Variants in ARHGAP44 observed in about 807,000 individuals in gnomAD.
ARHGAP44 encodes rho GTPase-activating protein 44.
In ARHGAP44, 43 loss-of-function variants were observed where a neutral mutation model predicts 106.8. The observed-to-expected ratio is 0.40, with a 90% confidence interval of 0.32 to 0.52. ARHGAP44 has a LOEUF of 0.52. Ranked by LOEUF, ARHGAP44 falls within the 20% of genes least tolerant of loss-of-function variation. The pLI is 0.48. For missense variants in ARHGAP44, 866 were observed against 1,050.5 expected, an observed-to-expected ratio of 0.82 and a Z score of 2.43; for synonymous variants, 439 against 410.3, an observed-to-expected ratio of 1.07 and a Z score of -0.85.
chr17:12,847,560 C>G (rs866557989), intron 1 of ARHGAP44, among the ~76,000 whole-genome samples: 3 of 143,970 alleles, frequency 2.1e-5, no homozygotes, highest in South Asian at 2.2e-4. Context: ...GTCGCCCAGG[C>G]TGGAGTGCAG....
At chr17:12,904,228 TC>T (rs2037478965) in intron 3 of ARHGAP44, among the ~76,000 whole-genome samples, 1 of 152,168 alleles carries the variant, frequency 6.6e-6, no homozygotes, top group Non-Finnish European at 1.5e-5. Context: ...TGCCTCAGCC[TC>T]CCGAGTAGCT....
chr17:12,968,349 G>T (rs1240594477), intron 16 of ARHGAP44, among the ~76,000 whole-genome samples: 1 of 152,188 alleles, frequency 6.6e-6, no homozygotes, highest in African/African-American at 2.4e-5. Context: ...GACAGCTGAC[G>T]GTTGCAGGAG....
chr17:12,906,951 C>CAAAAT (rs1369354981), intron 3 of ARHGAP44, among the ~76,000 whole-genome samples: 2 of 149,462 alleles, frequency 1.3e-5, no homozygotes, highest in Non-Finnish European at 3.0e-5. Context: ...AAAAACAAAA[C>CAAAAT]AAAACAAACA....
At chr17:12,798,917 T>G (rs1319927967) in intron 1 of ARHGAP44, among the ~76,000 whole-genome samples, 2 of 152,206 alleles carry the variant, frequency 1.3e-5, no homozygotes, top group Non-Finnish European at 2.9e-5. Flanking sequence ...TTTTCTTGAG[T>G]CAGTTTGAAT....
chr17:12,908,305 T>G lies in ARHGAP44; in HGVS notation c.199-592T>G, dbSNP rs145337257. 8.3e-3 allele frequency among the ~76,000 whole-genome samples: 1,255 copies of G among 151,562 alleles called. 19 individuals carry two copies. Among genetic ancestry groups the G allele is most frequent in the East Asian group, 0.045 (229 of 5,102 alleles). ...TCTGCCTCCCGGGTTCAAGCCATTC[T>G]GCTGCCTCAGCCTCCCAAGTAGCTG... On this transcript the variant is annotated intron_variant, in intron 3 of 20. Coordinates refer to ENST00000379672, the MANE Select transcript of ARHGAP44 (RefSeq NM_014859.6).
rs909574686 is a variant in ARHGAP44 at position 12,990,316 on chromosome 17, T to C, written c.*145T>C. 2 of 1,109,380 alleles carry C rather than the reference T, an allele frequency of 1.8e-6. No individual in the cohort carries two copies. The highest frequency in any genetic ancestry group is 2.5e-6 in the Non-Finnish European group (2 of 793,998). 68.7% of individuals were successfully genotyped at this position (1,109,380 alleles called of 1,614,324 possible). On this transcript the variant is annotated 3_prime_UTR_variant, in exon 21 of 21. Transcript: ENST00000379672. ...CACGAGGTTGGAATTTGGCAGAAAA[T>C]TGTGATCTCCAGTCCGTGTGGTGAT...
At chr17:12,924,079 CAT>C (rs2038165266) in intron 6 of ARHGAP44, among the ~76,000 whole-genome samples, 1 of 152,248 alleles carries the variant, frequency 6.6e-6, no homozygotes, top group African/African-American at 2.4e-5. Context: ...GTGAATTCCA[CAT>C]AGAGACCCTC....
intron 7 of ARHGAP44, among the ~76,000 whole-genome samples, chr17:12,935,384 A>G (rs2038516374): frequency 6.6e-6 from 1 of 151,956 alleles, no homozygotes; most frequent in South Asian, 2.1e-4. Context: ...GACCAGCCTG[A>G]CCAACATGGT....
At chr17:12,845,327 G>T (rs923753582) in intron 1 of ARHGAP44, among the ~76,000 whole-genome samples, 1 of 151,976 alleles carries the variant, frequency 6.6e-6, no homozygotes, top group African/African-American at 2.4e-5. Flanking sequence ...GGCCAACATG[G>T]TGAAACCCCA....
chr17:12,933,333 G>T (rs1429606450), intron 7 of ARHGAP44, among the ~76,000 whole-genome samples: 1 of 152,040 alleles, frequency 6.6e-6, no homozygotes, highest in Non-Finnish European at 1.5e-5. Flanking sequence ...CTTTTTTGAG[G>T]ACCAAGCAGA....
chr17:12,970,290 C>T (rs1567715822), intron 16 of ARHGAP44, among the ~76,000 whole-genome samples: 2 of 146,306 alleles, frequency 1.4e-5, no homozygotes, highest in African/African-American at 2.5e-5. Context: ...CACTTGAACC[C>T]GAGAAGTTGG....
At chr17:12,885,984 T>C (rs747937729) in intron 1 of ARHGAP44, among the ~76,000 whole-genome samples, 1 of 152,130 alleles carries the variant, frequency 6.6e-6, no homozygotes, top group Non-Finnish European at 1.5e-5. Flanking sequence ...TATAACTTTT[T>C]TTAATTGAAG....
Position 12,943,672 on chromosome 17 carries a change from A to G in ARHGAP44, c.733+3A>G, listed in dbSNP as rs750403706. On this transcript the variant is annotated splice_donor_region_variant and intron_variant, in intron 9 of 20. Transcript: ENST00000379672. Reference sequence around the variant, plus strand: ...GCCTCAGATCAAAGCACAACAGGGTAAGTGCAGGCCTTCCCTGGAGAAGGG... The same window carrying G: ...GCCTCAGATCAAAGCACAACAGGGTGAGTGCAGGCCTTCCCTGGAGAAGGG... 1.9e-6 allele frequency: 3 copies of G among 1,613,402 alleles called. No homozygotes were observed. Among genetic ancestry groups the G allele is most frequent in the African/African-American group, 2.7e-5 (2 of 74,912 alleles).
At chr17:12,822,905 C>T (rs1284906432) in intron 1 of ARHGAP44, among the ~76,000 whole-genome samples, 2 of 152,138 alleles carry the variant, frequency 1.3e-5, no homozygotes, top group African/African-American at 4.8e-5. Flanking sequence ...TGGTGGTGGT[C>T]CTAGGCAGAG....
intron 20 of ARHGAP44, among the ~76,000 whole-genome samples, chr17:12,989,349 T>G (rs73296512): frequency 0.11 from 16,195 of 152,206 alleles, 1,082 homozygotes; most frequent in Non-Finnish European, 0.14. Flanking sequence ...TTCTGTCGTC[T>G]TTGCCGACTC....
intron 13 of ARHGAP44, among the ~76,000 whole-genome samples, chr17:12,955,437 G>A (rs985579281): frequency 1.1e-4 from 17 of 152,076 alleles, no homozygotes; most frequent in African/African-American, 4.1e-4. Context: ...GATCTTTCCA[G>A]AGCACCCAAC....
rs146724820 is a variant in ARHGAP44, at chr17:12,915,073, C to G, written c.276-827C>G. 3.3e-5 allele frequency among the ~76,000 whole-genome samples: 5 copies of G among 152,314 alleles called. No homozygotes were observed. In the East Asian group the frequency reaches 9.7e-4, roughly 29 times the overall value. ...TGTGTTTTTGAGACAGGGTCTCGCT[C>G]TGTCACCCCGGCTGGAGTGCAGTGG... On this transcript the variant is annotated intron_variant, in intron 4 of 20. Coordinates refer to ENST00000379672, the MANE Select transcript of ARHGAP44 (RefSeq NM_014859.6).
At chr17:12,974,920 A>T (rs999913353) in intron 18 of ARHGAP44, among the ~76,000 whole-genome samples, 3 of 148,636 alleles carry the variant, frequency 2.0e-5, no homozygotes, top group Non-Finnish European at 4.4e-5. Flanking sequence ...CGCGATCTCG[A>T]CTCACTGCAA....
chr17:12,906,565 C>T, intron 3 of ARHGAP44, among the ~76,000 whole-genome samples: 1 of 152,114 alleles, frequency 6.6e-6, no homozygotes, highest in East Asian at 1.9e-4. Context: ...ATAAAGGATA[C>T]AAATGAACAG....
Sources: gnomAD v4.1 joint callset for allele counts (sites outside exome capture counted in the v4.1 genomes callset) on GRCh38, gnomAD v4.1.1 for gene constraint, MANE v1.5 for transcripts, NCBI Gene and HGNC (gene_info 2026-07-23, HGNC 2026-07-21) for gene names.